The following SPAG16 variants were observed in gnomAD, a reference collection of about 807,000 sequenced individuals.
The protein encoded by SPAG16 is sperm-associated antigen 16 protein.
Under a neutral mutation model 80.4 loss-of-function variants are expected in SPAG16, and 86 were observed. The observed-to-expected ratio is 1.07, with a 90% CI of 0.90 to 1.28. The LOEUF is 1.28. SPAG16 is among the 50% of genes most tolerant of loss of function. The pLI is 0.00. For synonymous variants in SPAG16, 294 were observed against 265.9 expected, an observed-to-expected ratio of 1.11 and a Z score of -1.03; for missense variants, 870 against 765.3, an observed-to-expected ratio of 1.14 and a Z score of -1.61.
intron 14 of SPAG16, among the ~76,000 whole-genome samples, chr2:214,119,124 T>C (rs1204457759): frequency 6.6e-6 from 1 of 152,112 alleles, no homozygotes; most frequent in Non-Finnish European, 1.5e-5. Flanking sequence ...ACAAAATACA[T>C]CTTTAAAAAA....
At chr2:214,351,730 A>AC (rs1314842209) in intron 15 of SPAG16, among the ~76,000 whole-genome samples, 4 of 151,836 alleles carry the variant, frequency 2.6e-5, no homozygotes, top group African/African-American at 9.7e-5. Context: ...AAAAAAAACA[A>AC]CAAAACTTAA....
intron 15 of SPAG16, among the ~76,000 whole-genome samples, chr2:214,391,970 A>T (rs1385652167): frequency 6.6e-6 from 1 of 152,212 alleles, no homozygotes; most frequent in Non-Finnish European, 1.5e-5. Context: ...ATATGAACAC[A>T]ACGCAGAGAT....
intron 10 of SPAG16, among the ~76,000 whole-genome samples, chr2:213,831,353 A>G (rs2073645856): frequency 6.6e-6 from 1 of 151,052 alleles, no homozygotes. Context: ...ATGACTTTTT[A>G]TCTTTGATTG....
chr2:213,874,747 A>C (rs985127087), intron 11 of SPAG16, among the ~76,000 whole-genome samples: 1 of 152,124 alleles, frequency 6.6e-6, no homozygotes, highest in African/African-American at 2.4e-5. Flanking sequence ...TATATGGCAC[A>C]TGACTGTGCC....
chr2:213,708,911 T>G (rs567533501), intron 10 of SPAG16, among the ~76,000 whole-genome samples: 3 of 152,228 alleles, frequency 2.0e-5, no homozygotes, highest in African/African-American at 7.2e-5. Context: ...GAAAGCAGAG[T>G]AAGATCTTCA....
chr2:213,661,236 G>T (rs1165072970), intron 10 of SPAG16, among the ~76,000 whole-genome samples: 1 of 152,126 alleles, frequency 6.6e-6, no homozygotes, highest in Non-Finnish European at 1.5e-5. Context: ...TGTAGAATAT[G>T]CCTCCATAGA....
chr2:213,687,751 G>T (rs1343312346), intron 10 of SPAG16, among the ~76,000 whole-genome samples: 1 of 152,014 alleles, frequency 6.6e-6, no homozygotes, highest in Non-Finnish European at 1.5e-5. Context: ...TGTTTCTTGT[G>T]GTTGAAGTTT....
chr2:214,060,724 C>T (rs2050217571), intron 13 of SPAG16, among the ~76,000 whole-genome samples: 1 of 151,820 alleles, frequency 6.6e-6, no homozygotes, highest in Non-Finnish European at 1.5e-5. Flanking sequence ...TTCAGAATTC[C>T]AATAGGATTG....
rs113444204 is a variant in SPAG16, at chr2:213,946,364, C to T, written c.1400+16219C>T. Among the ~76,000 whole-genome samples, 356 of 152,310 alleles carry T rather than the reference C, an allele frequency of 2.3e-3. 1 individual carries two copies. Among genetic ancestry groups the T allele is most frequent in the Non-Finnish European group, 3.9e-3 (267 of 68,026 alleles). On this transcript the variant is annotated intron_variant, in intron 12 of 15. Coordinates refer to ENST00000331683, the MANE Select transcript of SPAG16 (RefSeq NM_024532.5). ...TCCTGACCTCGAGATCTACCTGCCT[C>T]GGCCTCCCAGAGTGCTGGGATTACA... is the stretch of plus-strand genomic sequence containing the variant.
intron 10 of SPAG16, among the ~76,000 whole-genome samples, chr2:213,537,482 A>G (rs1386238136): frequency 6.6e-6 from 1 of 151,954 alleles, no homozygotes; most frequent in Non-Finnish European, 1.5e-5. Flanking sequence ...TATAATTTAA[A>G]AAAAAAAAGA....
At chr2:213,814,301 C>T (rs2072376438) in intron 10 of SPAG16, among the ~76,000 whole-genome samples, 2 of 152,064 alleles carry the variant, frequency 1.3e-5, no homozygotes, top group South Asian at 4.2e-4. Context: ...TGGCTGAGGC[C>T]CACCTAATTA....
intron 10 of SPAG16, among the ~76,000 whole-genome samples, chr2:213,747,706 C>A (rs1056004945): frequency 6.6e-6 from 1 of 152,200 alleles, no homozygotes; most frequent in Non-Finnish European, 1.5e-5. Context: ...GCCCTGCTAT[C>A]TAGGTTTGTA....
chr2:213,986,891 CA>C (rs369965944), intron 12 of SPAG16, among the ~76,000 whole-genome samples: 7,127 of 57,284 alleles, frequency 0.12, 72 homozygotes, highest in East Asian at 0.2. Flanking sequence ...TCTGGTATAG[CA>C]AAAAAAAAAA....
At chr2:213,291,091 G>A (rs1263704378) in intron 1 of SPAG16, among the ~76,000 whole-genome samples, 2 of 152,078 alleles carry the variant, frequency 1.3e-5, no homozygotes, top group Non-Finnish European at 2.9e-5. Context: ...TTTTACCCTG[G>A]TTACTGGGAA....
chr2:213,339,300 T>C (rs552856162), intron 5 of SPAG16, among the ~76,000 whole-genome samples: 1 of 152,344 alleles, frequency 6.6e-6, no homozygotes, highest in Non-Finnish European at 1.5e-5. Flanking sequence ...AGAAGTAGAT[T>C]TCTTCTGTTT....
At chr2:213,798,898 G>T (rs967451366) in intron 10 of SPAG16, among the ~76,000 whole-genome samples, 3 of 152,110 alleles carry the variant, frequency 2.0e-5, no homozygotes, top group Admixed American at 2.0e-4. Context: ...AAATGTAAGA[G>T]TTTATTACTG....
chr2:214,135,400 C>A (rs2054994211), intron 14 of SPAG16, among the ~76,000 whole-genome samples: 1 of 152,112 alleles, frequency 6.6e-6, no homozygotes, highest in African/African-American at 2.4e-5. Flanking sequence ...TTGACATGCT[C>A]CTAAAGCTCT....
At chr2:213,636,529 G>A (rs1362101802) in intron 10 of SPAG16, among the ~76,000 whole-genome samples, 2 of 152,124 alleles carry the variant, frequency 1.3e-5, no homozygotes, top group Non-Finnish European at 2.9e-5. Flanking sequence ...CATTGAATTT[G>A]TAGATTGCTT....
chr2:214,140,313 T>G (rs2055284647), intron 14 of SPAG16, among the ~76,000 whole-genome samples: 1 of 152,008 alleles, frequency 6.6e-6, no homozygotes, highest in South Asian at 2.1e-4. Context: ...AATTTTTAGT[T>G]TCTAATTTAA....
Sources: gnomAD v4.1 joint callset for allele counts (sites outside exome capture counted in the v4.1 genomes callset) on GRCh38, gnomAD v4.1.1 for gene constraint, MANE v1.5 for transcripts, NCBI Gene and HGNC (gene_info 2026-07-23, HGNC 2026-07-21) for gene names.